The following SYNE3 variants were observed in gnomAD, a reference collection of about 807,000 sequenced individuals.
SYNE3 encodes spectrin repeat containing nuclear envelope family member 3.
SYNE3 carries 100 observed loss-of-function variants against 111.2 expected under a neutral mutation model. That is an observed-to-expected ratio of 0.90 (90% confidence interval 0.77 to 1.06). The LOEUF is 1.06. Among genes scored for constraint, SYNE3 ranks in the 50% least tolerant of loss-of-function variants. SYNE3 has a pLI of 0.00. For missense variants in SYNE3, 1,160 were observed against 1,240.3 expected (o/e 0.94, Z 0.97); for synonymous variants, 547 against 533.9 (o/e 1.02, Z -0.34).
chr14:95,439,472 G>A, intron 13 of SYNE3, 140 bp downstream of exon 13: 1 of 1,152,890 alleles, frequency 8.7e-7, no homozygotes, highest in East Asian at 2.4e-5. Context: ...AGCCAACTGG[G>A]CCAAAGTGTG....
intron 17 of SYNE3, among the ~76,000 whole-genome samples, chr14:95,418,757 C>T (rs901404624): frequency 6.6e-6 from 1 of 152,138 alleles, no homozygotes; most frequent in Non-Finnish European, 1.5e-5. Flanking sequence ...CACCTGCCAC[C>T]ATGCCCAGCT....
chr14:95,472,462 A>C (rs547073980), intron 2 of SYNE3, among the ~76,000 whole-genome samples: 12 of 152,350 alleles, frequency 7.9e-5, no homozygotes, highest in African/African-American at 2.9e-4. Flanking sequence ...GGGGATGGGC[A>C]GGGACACTTG....
At chr14:95,503,772 C>T (rs1367861667) in intron 1 of SYNE3, among the ~76,000 whole-genome samples, 1 of 151,850 alleles carries the variant, frequency 6.6e-6, no homozygotes, top group African/African-American at 2.4e-5. Context: ...GCATGGGCCG[C>T]CATGCTGGGC....
rs1386953659 is a variant in SYNE3 at position 95,466,187 on chromosome 14, T to C, written c.371A>G (p.Glu124Gly). ...CATCTTCTGGAACCAGCGGTAGAAC[T>C]CATCTCGGGCCAGCAGGTACTCGCT... ...HWSEYLLARD[E>G]FYRWFQKMMV... The change falls in exon 4 of 18, where the codon GAG (glutamate) becomes GGG (glycine). Residue 124 changes from glutamate to glycine, a missense_variant. Transcript: ENST00000682763. 3.8e-6 allele frequency: 6 copies of C among 1,595,090 alleles called. No homozygotes were observed. In the South Asian group the frequency reaches 5.5e-5, roughly 15 times the overall value.
intron 15 of SYNE3, 99 bp downstream of exon 15, chr14:95,436,721 A>T: frequency 7.1e-7 from 1 of 1,399,246 alleles, no homozygotes; most frequent in South Asian, 1.3e-5. Flanking sequence ...AACAGCTCAC[A>T]AACTGTGGGT....
chr14:95,512,679 C>T (rs1018659141), intron 1 of SYNE3, among the ~76,000 whole-genome samples: 21 of 150,556 alleles, frequency 1.4e-4, no homozygotes, highest in African/African-American at 4.2e-4. Context: ...GATGAAACCC[C>T]GTCTCTACTA....
chr14:95,463,247 G>GA (rs1362832513), intron 4 of SYNE3, among the ~76,000 whole-genome samples: 1 of 152,186 alleles, frequency 6.6e-6, no homozygotes, highest in Admixed American at 6.5e-5. Flanking sequence ...GAAAAGGTTA[G>GA]AAAAAACAGC....
At chr14:95,515,948 C>T (rs1376529188) in intron 1 of SYNE3, among the ~76,000 whole-genome samples, 1 of 152,230 alleles carries the variant, frequency 6.6e-6, no homozygotes, top group African/African-American at 2.4e-5. Context: ...TCCCAAGACC[C>T]CAGGGGAAGT....
chr14:95,516,228 C>T (rs566966540), intron 1 of SYNE3: 4 of 152,314 alleles, frequency 2.6e-5, no homozygotes, highest in African/African-American at 9.6e-5. Flanking sequence ...CAGGTCAGCC[C>T]GCCCCTAGGG....
chr14:95,461,292 C>T (rs976405701), intron 4 of SYNE3, among the ~76,000 whole-genome samples: 7 of 152,206 alleles, frequency 4.6e-5, no homozygotes, highest in African/African-American at 9.7e-5. Flanking sequence ...CTGTGAGGGC[C>T]GCCACGGGAA....
rs150151149 is a variant in SYNE3, at chr14:95,481,276, G to A, written c.-14-5441C>T. 3.3e-3 allele frequency among the ~76,000 whole-genome samples: 510 copies of A among 152,302 alleles called. 3 individuals are homozygous for A. Among genetic ancestry groups the A allele is most frequent in the African/African-American group, 0.011 (460 of 41,552 alleles). ...AAAATAAAGTTGAACTTCACCTACC[G>A]TGGGGCATCCAATAGAACTGCCCCT... On this transcript the variant is annotated intron_variant, in intron 1 of 17. Coordinates refer to ENST00000682763, the MANE Select transcript of SYNE3 (RefSeq NM_152592.6).
At chr14:95,442,266 C>A (rs1886453998) in intron 11 of SYNE3, among the ~76,000 whole-genome samples, 1 of 152,304 alleles carries the variant, frequency 6.6e-6, no homozygotes, top group East Asian at 1.9e-4. Context: ...GTTCTGACCA[C>A]CTCCTTATGT....
chr14:95,499,911 G>A (rs1890268574), intron 1 of SYNE3, among the ~76,000 whole-genome samples: 2 of 142,348 alleles, frequency 1.4e-5, no homozygotes, highest in South Asian at 4.4e-4. Context: ...CCAGGCTGGA[G>A]TGCAGTGGCA....
intron 1 of SYNE3, among the ~76,000 whole-genome samples, chr14:95,487,851 G>A (rs1374544261): frequency 2.0e-5 from 3 of 151,844 alleles, no homozygotes; most frequent in African/African-American, 7.3e-5. Context: ...GAACTGTGTG[G>A]GTCCCCTCAT....
intron 16 of SYNE3, among the ~76,000 whole-genome samples, chr14:95,432,413 G>A (rs2139372983): frequency 6.6e-6 from 1 of 152,242 alleles, no homozygotes; most frequent in Non-Finnish European, 1.5e-5. Flanking sequence ...GCTGCTCCCG[G>A]GCCAGGAAAG....
intron 1 of SYNE3, among the ~76,000 whole-genome samples, chr14:95,484,912 C>T (rs1595247894): frequency 6.6e-6 from 1 of 152,290 alleles, no homozygotes; most frequent in East Asian, 1.9e-4. Flanking sequence ...CACACTGGCG[C>T]CTGCCTCAGA....
intron 17 of SYNE3, among the ~76,000 whole-genome samples, chr14:95,427,049 ATAT>A (rs1254592991): frequency 6.6e-6 from 1 of 152,114 alleles, no homozygotes; most frequent in African/African-American, 2.4e-5. Context: ...CTTTATTCTA[ATAT>A]TATAATAATC....
chr14:95,407,345 C>T lies in SYNE3; in HGVS notation c.*10481G>A, dbSNP rs985514735. 1.3e-5 allele frequency: 2 copies of T among 152,130 alleles called. No individual in the cohort carries two copies. The highest frequency in any genetic ancestry group is 4.8e-5 in the African/African-American group (2 of 41,410). The allele number at this position is 152,130 out of a possible 1,614,324, so 9.4% of individuals were successfully genotyped here. ...TAAAAACATAAAACAACAGCAAAAA[C>T]GTCAAACCATCTTTTAGAACACTGC... On this transcript the variant is annotated 3_prime_UTR_variant, in exon 18 of 18. Coordinates refer to ENST00000682763, the MANE Select transcript of SYNE3 (RefSeq NM_152592.6).
Position 95,408,023 on chromosome 14 carries a change from G to A in SYNE3, c.*9803C>T, listed in dbSNP as rs1251947690. 6.6e-6 allele frequency: 1 copy of A among 152,158 alleles called. No homozygotes were observed. The highest frequency in any genetic ancestry group is 2.1e-4 in the South Asian group (1 of 4,826). 9.4% of individuals were successfully genotyped at this position (152,158 alleles called of 1,614,324 possible). On this transcript the variant is annotated 3_prime_UTR_variant, in exon 18 of 18. Coordinates refer to ENST00000682763, the MANE Select transcript of SYNE3 (RefSeq NM_152592.6). The stretch of plus-strand genomic sequence containing the variant: ...CACTCAATCTGGTGTGATCATCAGC[G>A]TCATCTGGGAGCAGCTTCAAAAACA...
Sources: gnomAD v4.1 joint callset for allele counts (sites outside exome capture counted in the v4.1 genomes callset) on GRCh38, gnomAD v4.1.1 for gene constraint, MANE v1.5 for transcripts, NCBI Gene and HGNC (gene_info 2026-07-23, HGNC 2026-07-21) for gene names.